The following LAIR1 variants were observed in gnomAD, a reference collection of about 807,000 sequenced individuals.
The protein encoded by LAIR1 is leukocyte-associated immunoglobulin-like receptor 1.
In LAIR1, 24 loss-of-function variants were observed where a neutral mutation model predicts 32.8. The ratio of observed to expected loss-of-function variants is 0.73; its 90% confidence interval spans 0.53 to 1.03. The LOEUF is 1.03. LAIR1 is among the 50% of genes least tolerant of loss of function. The probability of loss-of-function intolerance (pLI) is 0.00; values close to 1 mark genes in which losing one functional copy is unlikely to be tolerated. For synonymous variants in LAIR1, 150 were observed against 140.5 expected, an observed-to-expected ratio of 1.07 and a Z score of -0.48; for missense variants, 355 against 347.5, an observed-to-expected ratio of 1.02 and a Z score of -0.17.
chr19:54,361,397 CAG>C (rs1418298952), intron 2 of LAIR1, among the ~76,000 whole-genome samples, 188 bp from the exon 3 acceptor site: 1 of 151,914 alleles, frequency 6.6e-6, no homozygotes, highest in African/African-American at 2.4e-5. Flanking sequence ...CTCATCACTG[CAG>C]AGTTTTTTCC....
chr19:54,357,836 C>G (rs373304581), intron 4 of LAIR1, among the ~76,000 whole-genome samples: 1 of 151,830 alleles, frequency 6.6e-6, no homozygotes, highest in East Asian at 1.9e-4. Flanking sequence ...CCTCCTGCCT[C>G]GTCCACGGTC....
Position 54,351,577 on chromosome 19 carries a change from C to T in LAIR1, c.*3691G>A, listed in dbSNP as rs991809133. On this transcript the variant is annotated 3_prime_UTR_variant, in exon 10 of 10. Coordinates refer to ENST00000391742, the MANE Select transcript of LAIR1 (RefSeq NM_002287.6). Reference sequence around the variant, plus strand: ...CAGAAAGTTTTCAGAGACTAACTGGCATCACCAACCAAAACACAACATGCT... The same window carrying T: ...CAGAAAGTTTTCAGAGACTAACTGGTATCACCAACCAAAACACAACATGCT... 12 of 152,178 alleles carry T rather than the reference C, an allele frequency of 7.9e-5. No individual in the cohort carries two copies. The highest frequency in any genetic ancestry group is 2.9e-4 in the African/African-American group (12 of 41,444). The allele number at this position is 152,178 out of a possible 1,614,324, so 9.4% of individuals were successfully genotyped here.
chr19:54,357,182 T>C, intron 4 of LAIR1: 1 of 568,304 alleles, frequency 1.8e-6, no homozygotes, highest in Non-Finnish European at 3.1e-6. Flanking sequence ...TATTGATATT[T>C]AAATTTATCC....
Position 54,353,746 on chromosome 19 carries a change from C to T in LAIR1, c.*1522G>A, listed in dbSNP as rs12610273. ...AAAAATCTTTCTTTTCTTTTCTTTT[C>T]TTTTTTGACGGAGTCTCGCTCTGTC... On this transcript the variant is annotated 3_prime_UTR_variant, in exon 10 of 10. Coordinates refer to ENST00000391742, the MANE Select transcript of LAIR1 (RefSeq NM_002287.6). 0.36 allele frequency: 54,104 copies of T among 150,724 alleles called. 9,869 individuals are homozygous for T. The highest frequency in any genetic ancestry group is 0.44 in the Admixed American group (6,665 of 15,128). 9.3% of individuals were successfully genotyped at this position (150,724 alleles called of 1,614,324 possible). A position where few individuals can be genotyped will look rare whatever the true frequency, so the allele number is the denominator to read the frequency against.
upstream of LAIR1, chr19:54,368,682 C>CTCATTTAT (rs2082326885): frequency 6.7e-6 from 1 of 149,208 alleles, no homozygotes; most frequent in African/African-American, 2.6e-5. Context: ...TATTTGTTGA[C>CTCATTTAT]TGATTTATTT....
In LAIR1 at chr19:54,355,474, G is replaced by A; in HGVS notation, c.718-60C>T. The A allele has an allele frequency of 2.0e-6, 3 of 1,470,330 alleles. No individual in the cohort carries two copies. Among genetic ancestry groups the A allele is most frequent in the Non-Finnish European group, 2.7e-6 (3 of 1,093,694 alleles). 91.1% of individuals were successfully genotyped at this position (1,470,330 alleles called of 1,614,324 possible). ...GGTGGAGGGTGAGACGAGGGGCTGT[G>A]GGGAGGGAGGGCTGTGGCGGCCATC... On this transcript the variant is annotated intron_variant, in intron 9 of 9. Transcript: ENST00000391742. This position sits in a 1 kb window ranked among gnomAD's most constrained non-coding sequence, Gnocchi z 4.7.
At chr19:54,363,013 G>A (rs1419592110) in intron 2 of LAIR1, among the ~76,000 whole-genome samples, 1 of 143,964 alleles carries the variant, frequency 6.9e-6, no homozygotes, top group African/African-American at 2.7e-5. Flanking sequence ...CAGGGGAAGG[G>A]CTCTGAGAAA....
At chr19:54,357,861 C>A (rs1044456098) in intron 4 of LAIR1, 1 of 151,500 alleles carries the variant, frequency 6.6e-6, no homozygotes, top group African/African-American at 2.4e-5. Flanking sequence ...GTCCAGGACA[C>A]CACCCGTTAT....
upstream of LAIR1, among the ~76,000 whole-genome samples, chr19:54,372,042 C>T (rs2082417529): frequency 2.0e-5 from 3 of 151,648 alleles, no homozygotes; most frequent in African/African-American, 4.9e-5. Flanking sequence ...CACTCACTTA[C>T]TGAAGGGCAT....
intron 2 of LAIR1, among the ~76,000 whole-genome samples, chr19:54,362,547 C>T (rs541266878): frequency 5.9e-5 from 9 of 152,278 alleles, no homozygotes; most frequent in South Asian, 4.2e-4. Context: ...TGCAGTGGCG[C>T]GATCTCAGCT....
At chr19:54,367,107 T>G (rs935860902), upstream of LAIR1, among the ~76,000 whole-genome samples, 1 of 152,118 alleles carries the variant, frequency 6.6e-6, no homozygotes, top group Non-Finnish European at 1.5e-5. Flanking sequence ...TACACAAAAA[T>G]TAAAAATTTA....
intron 4 of LAIR1, 32 bp from the exon 5 acceptor site, chr19:54,356,998 TAGAGTCCTG>T: frequency 6.2e-7 from 1 of 1,608,750 alleles, no homozygotes; most frequent in Non-Finnish European, 8.5e-7. Context: ...GAGGAGGAGT[TAGAGTCCTG>T]AGCTGGACAG....
chr19:54,375,209 C>T (rs2082479526), upstream of LAIR1, among the ~76,000 whole-genome samples: 1 of 152,214 alleles, frequency 6.6e-6, no homozygotes, highest in African/African-American at 2.4e-5. Context: ...ATTGATCTAA[C>T]CAGACATGGG....
chr19:54,357,081 T>C (rs2081755731), intron 4 of LAIR1, 115 bp from the exon 5 acceptor site: 13 of 955,948 alleles, frequency 1.4e-5, no homozygotes, highest in Admixed American at 2.2e-5. Context: ...GGACCCTGAC[T>C]GCTCCCTCTA....
At position 54,364,770 on chromosome 19, in the gene LAIR1, C is replaced by A. The variant is rs200274688; in HGVS notation, c.34+1G>T. On this transcript the variant is annotated splice_donor_variant, in intron 1 of 9. Coordinates refer to ENST00000391742, the MANE Select transcript of LAIR1 (RefSeq NM_002287.6). LOFTEE classifies it high-confidence loss of function. This position sits in a 1 kb window ranked among gnomAD's most constrained non-coding sequence, Gnocchi z 4.8. ...GCCTCCCGGCTGCCTCCAGGACTCACCTAGGCCCAGGAGGGCGGTGGGGTG... is the reference window on the plus strand; with the variant it reads ...GCCTCCCGGCTGCCTCCAGGACTCAACTAGGCCCAGGAGGGCGGTGGGGTG... The A allele has an allele frequency of 2.7e-4, 436 of 1,613,680 alleles. 1 individual carries two copies. The highest frequency in any genetic ancestry group is 3.3e-4 in the Non-Finnish European group (386 of 1,179,628).
upstream of LAIR1, among the ~76,000 whole-genome samples, chr19:54,366,817 T>C (rs974569141): frequency 6.6e-6 from 1 of 152,140 alleles, no homozygotes; most frequent in Non-Finnish European, 1.5e-5. Context: ...AGCAACAAAG[T>C]GTTCAAGTGG....
Position 54,360,938 on chromosome 19 carries a change from G to A in LAIR1, c.342C>T (p.Asp114=). The change falls in exon 3 of 10, where the codon GAC becomes GAT. Residue 114 remains aspartate, a synonymous_variant. Transcript: ENST00000391742. The part of the protein sequence containing the change: ...YKPPKWSEQS[D]YLELLVKESS... ...CACCTTTCACCAGCAGCTCCAGGTA[G>A]TCACTCTGCTCAGACCATTTAGGGG... The A allele has an allele frequency of 6.2e-7, 1 of 1,613,368 alleles. No individual in the cohort carries two copies. Among genetic ancestry groups the A allele is most frequent in the Non-Finnish European group, 8.5e-7 (1 of 1,179,378 alleles).
chr19:54,356,107 T>C, intron 8 of LAIR1, 101 bp from the exon 9 acceptor site: 1 of 1,234,290 alleles, frequency 8.1e-7, no homozygotes, highest in East Asian at 2.3e-5. Context: ...CTGCACCCAA[T>C]GTATAATACG....
In LAIR1 at chr19:54,351,863, T is replaced by G. The variant is rs2081538224; in HGVS notation, c.*3405A>C. The G allele has an allele frequency of 1.6e-5, 1 of 63,324 alleles. No individual in the cohort carries two copies. Among genetic ancestry groups the G allele is most frequent in the Non-Finnish European group, 4.3e-5 (1 of 23,426 alleles). 3.9% of individuals were successfully genotyped at this position (63,324 alleles called of 1,614,324 possible). On this transcript the variant is annotated 3_prime_UTR_variant, in exon 10 of 10. Coordinates refer to ENST00000391742, the MANE Select transcript of LAIR1 (RefSeq NM_002287.6). The stretch of plus-strand genomic sequence containing the variant: ...TTATTTTCTATGTTCAGTTTTACAC[T>G]AAAAGGTAAAAAAAAGTTAAAAAAA...
Sources: gnomAD v4.1 joint callset for allele counts (sites outside exome capture counted in the v4.1 genomes callset) on GRCh38, gnomAD v4.1.1 for gene constraint, Gnocchi (gnomAD v3.1) non-coding constraint, MANE v1.5 for transcripts, NCBI Gene and HGNC (gene_info 2026-07-23, HGNC 2026-07-21) for gene names.